Variants in NECTIN4 observed in about 807,000 individuals in gnomAD.
The protein encoded by NECTIN4 is nectin cell adhesion molecule 4.
A neutral mutation model predicts 51.7 loss-of-function variants in NECTIN4; 19 were observed. The observed-to-expected ratio is 0.37, with a 90% CI of 0.26 to 0.54. The LOEUF is 0.54. Ranked by LOEUF, NECTIN4 falls within the 20% of genes least tolerant of loss-of-function variation. NECTIN4 has a pLI of 0.86. For synonymous variants in NECTIN4, 283 were observed against 286.9 expected (o/e 0.99, Z 0.14); for missense variants, 619 against 662.4 (o/e 0.93, Z 0.72).
chr1:161,079,407 G>A (rs1653562492), intron 2 of NECTIN4, among the ~76,000 whole-genome samples, 183 bp downstream of exon 2: 1 of 152,250 alleles, frequency 6.6e-6, no homozygotes, highest in Non-Finnish European at 1.5e-5. Context: ...AGCTTTTGGG[G>A]TTACTTGGAG....
At chr1:161,087,511 G>T (rs147782660) in intron 1 of NECTIN4, 1 of 150,746 alleles carries the variant, frequency 6.6e-6, no homozygotes, top group African/African-American at 2.4e-5. Context: ...TAGTATCCAG[G>T]TTGTACCCAG....
chr1:161,078,313 T>C (rs1043498746), intron 2 of NECTIN4, among the ~76,000 whole-genome samples: 1 of 152,086 alleles, frequency 6.6e-6, no homozygotes, highest in African/African-American at 2.4e-5. Context: ...TATTTATTTA[T>C]TTATCTACTT....
Position 161,072,456 on chromosome 1 carries a change from C to T in NECTIN4, c.*205G>A. 1 of 637,820 alleles carries T rather than the reference C, an allele frequency of 1.6e-6. No individual in the cohort carries two copies. Among genetic ancestry groups the T allele is most frequent in the Non-Finnish European group, 2.8e-6 (1 of 351,342 alleles). 39.5% of individuals were successfully genotyped at this position (637,820 alleles called of 1,614,324 possible). A position where few individuals can be genotyped will look rare whatever the true frequency, so the allele number is the denominator to read the frequency against. ...TCACACAGGCACACATGCACACACA[C>T]AGTGACCTGCATGCATGGTGGGAGA... On this transcript the variant is annotated 3_prime_UTR_variant, in exon 9 of 9. Coordinates refer to ENST00000368012, the MANE Select transcript of NECTIN4 (RefSeq NM_030916.3).
At chr1:161,073,085 GC>G in intron 8 of NECTIN4, 139 bp downstream of exon 8, 12 of 678,072 alleles carry the variant, frequency 1.8e-5, no homozygotes, top group Non-Finnish European at 2.5e-5. Flanking sequence ...CAAAGACGTA[GC>G]AGAGATGCGG....
chr1:161,078,942 G>C (rs1653540480), intron 2 of NECTIN4, among the ~76,000 whole-genome samples: 1 of 152,124 alleles, frequency 6.6e-6, no homozygotes, highest in Admixed American at 6.5e-5. Flanking sequence ...AACCCGGGAG[G>C]CGGAGCTTGC....
rs1009769863 is a variant in NECTIN4 at position 161,079,763 on chromosome 1, T to C, written c.266A>G (p.His89Arg). Residue 89 changes from histidine to arginine, a missense_variant, in exon 2 of 9, where the codon CAT becomes CGT. Physicochemically the swap from His to Arg is conservative, Grantham distance 29. Around this residue, in one of 3 missense-constraint regions of NECTIN4, gnomAD observed 218 missense variants for 186.3 expected, o/e 1.17. Transcript: ENST00000368012. ...LALLHSKYGLHVSPAYEGRVE... is the reference protein window; with the variant it reads ...LALLHSKYGLRVSPAYEGRVE... ...GCGGCCCTCGTAAGCCGGGCTCACATGAAGCCCGTATTTGGAGTGCAGTAG... is the reference window on the plus strand; with the variant it reads ...GCGGCCCTCGTAAGCCGGGCTCACACGAAGCCCGTATTTGGAGTGCAGTAG... 3 of 1,612,380 alleles carry C rather than the reference T, an allele frequency of 1.9e-6. No homozygotes were observed. The highest frequency in any genetic ancestry group is 2.2e-5 in the East Asian group (1 of 44,880).
intron 4 of NECTIN4, 75 bp from the exon 5 acceptor site, chr1:161,074,834 TCTCCACC>T: frequency 6.7e-7 from 1 of 1,496,386 alleles, no homozygotes; most frequent in Non-Finnish European, 9.1e-7. Context: ...TCCAGACAGC[TCTCCACC>T]CTCCACCCCC....
At chr1:161,086,143 T>C (rs758363729) in intron 1 of NECTIN4, among the ~76,000 whole-genome samples, 1 of 152,180 alleles carries the variant, frequency 6.6e-6, no homozygotes, top group Non-Finnish European at 1.5e-5. Context: ...CCAATCATTC[T>C]CTCCTCACTG....
In NECTIN4 at chr1:161,079,636, G is replaced by A. The variant is rs1293588799; in HGVS notation, c.393C>T (p.Thr131=). 4.4e-6 allele frequency: 7 copies of A among 1,605,444 alleles called. No individual in the cohort carries two copies. The highest frequency in any genetic ancestry group is 1.7e-5 in the Admixed American group (1 of 59,988). The change falls in exon 2 of 9, where the codon ACC becomes ACT. Residue 131 remains threonine, a synonymous_variant. Coordinates refer to ENST00000368012, the MANE Select transcript of NECTIN4 (RefSeq NM_030916.3). Reference sequence around the variant, plus strand: ...GCGCCTGGAAGCTGCCGGCGGGGAAGGTGCTGACCCGGCACTCGTACTCGC... The same window carrying A: ...GCGCCTGGAAGCTGCCGGCGGGGAAAGTGCTGACCCGGCACTCGTACTCGC... ...DEGEYECRVS[T]FPAGSFQARL...
At chr1:161,087,248 C>T (rs1303803576) in intron 1 of NECTIN4, 1 of 152,080 alleles carries the variant, frequency 6.6e-6, no homozygotes, top group African/African-American at 2.4e-5. Flanking sequence ...AGCCTCCAGC[C>T]CCCAGAGCAA....
chr1:161,073,804 G>A lies in NECTIN4; in HGVS notation c.1158-9C>T, dbSNP rs1557943598. The A allele has an allele frequency of 6.2e-7, 1 of 1,613,254 alleles. No homozygotes were observed. The highest frequency in any genetic ancestry group is 2.2e-5 in the East Asian group (1 of 44,882). On this transcript the variant is annotated splice_polypyrimidine_tract_variant and intron_variant, in intron 6 of 8. Transcript: ENST00000368012. Reference sequence around the variant, plus strand: ...GGGTCAGCTCCTCCTCACTGGGAAAGACACACCCTTGTCAGGAGCTGAGGG... The same window carrying A: ...GGGTCAGCTCCTCCTCACTGGGAAAAACACACCCTTGTCAGGAGCTGAGGG...
chr1:161,083,636 G>A (rs1358571932), intron 1 of NECTIN4, among the ~76,000 whole-genome samples: 1 of 152,164 alleles, frequency 6.6e-6, no homozygotes, highest in Non-Finnish European at 1.5e-5. Flanking sequence ...CAGGAGCCTT[G>A]GTGACTCAGA....
intron 2 of NECTIN4, among the ~76,000 whole-genome samples, chr1:161,078,739 C>T (rs900468206): frequency 2.6e-5 from 4 of 152,048 alleles, no homozygotes; most frequent in Admixed American, 2.6e-4. Flanking sequence ...TGGCTGGGCG[C>T]GGTGGCTCAC....
In NECTIN4 at chr1:161,072,704, G is replaced by C. The variant is rs573511829; in HGVS notation, c.1490C>G (p.Thr497Arg). The change falls in exon 9 of 9, where the codon ACG becomes AGG. Residue 497 changes from threonine (T) to arginine (R), a missense_variant. Thr to Arg is a moderately conservative substitution (Grantham distance 71). This residue lies in a region of NECTIN4 where 364 missense variants were observed against 415.7 expected (regional missense o/e 0.88). Coordinates refer to ENST00000368012, the MANE Select transcript of NECTIN4 (RefSeq NM_030916.3). ...CCCATTGATGTAGATGCCATTGCCC[G>C]TGGGCTTGGCCCGTAGGGTCCCATT... The part of the protein sequence containing the change: ...QENGTLRAKP[T>R]GNGIYINGRG... 2 of 1,614,218 alleles carry C rather than the reference G, an allele frequency of 1.2e-6. No homozygotes were observed. Among genetic ancestry groups the C allele is most frequent in the East Asian group, 2.2e-5 (1 of 44,882 alleles).
chr1:161,077,830 A>G lies in NECTIN4; in HGVS notation c.440-87T>C, dbSNP rs919232203. 26 of 1,259,916 alleles carry G rather than the reference A, an allele frequency of 2.1e-5. No individual in the cohort carries two copies. The Admixed American group carries it at 5.2e-4, about 25-fold the overall frequency. 78.0% of individuals were successfully genotyped at this position (1,259,916 alleles called of 1,614,324 possible). A position where few individuals can be genotyped will look rare whatever the true frequency, so the allele number is the denominator to read the frequency against. The stretch of plus-strand genomic sequence containing the variant: ...CATCGCATTTCAGTCTTGCACAAGT[A>G]CAAACTTTCAGGCCCCCTTTCCTTC... On this transcript the variant is annotated intron_variant, in intron 2 of 8. Coordinates refer to ENST00000368012, the MANE Select transcript of NECTIN4 (RefSeq NM_030916.3).
At chr1:161,074,043 A>G (rs1197067971) in intron 6 of NECTIN4, among the ~76,000 whole-genome samples, 174 bp downstream of exon 6, 1 of 152,134 alleles carries the variant, frequency 6.6e-6, no homozygotes, top group African/African-American at 2.4e-5. Context: ...TGAGTGCTCC[A>G]TCTGTGCTCC....
chr1:161,082,198 G>C (rs182379349), intron 1 of NECTIN4, among the ~76,000 whole-genome samples: 1 of 152,014 alleles, frequency 6.6e-6, no homozygotes, highest in African/African-American at 2.4e-5. Context: ...GCGTGGTGGC[G>C]GGCGCCTGTA....
Position 161,077,754 on chromosome 1 carries a change from G to A in NECTIN4, c.440-11C>T, listed in dbSNP as rs1653486221. On this transcript the variant is annotated splice_polypyrimidine_tract_variant and intron_variant, in intron 2 of 8. Transcript: ENST00000368012. Reference sequence around the variant, plus strand: ...AGGGCAGGGGAGGCACTGCAAATGGGGAAAGGCAGGGGTCACAGGTCTACA... The same window carrying A: ...AGGGCAGGGGAGGCACTGCAAATGGAGAAAGGCAGGGGTCACAGGTCTACA... 6.2e-7 allele frequency: 1 copy of A among 1,602,770 alleles called. No homozygotes were observed. Among genetic ancestry groups the A allele is most frequent in the Non-Finnish European group, 8.5e-7 (1 of 1,178,928 alleles).
At chr1:161,078,487 T>C (rs996517196) in intron 2 of NECTIN4, among the ~76,000 whole-genome samples, 3 of 151,880 alleles carry the variant, frequency 2.0e-5, no homozygotes, top group Non-Finnish European at 2.9e-5. Context: ...TTTGTATTTT[T>C]AGTAGAGATG....
Sources: allele counts gnomAD v4.1 joint callset (sites outside exome capture counted in the v4.1 genomes callset), GRCh38; gene constraint gnomAD v4.1.1; regional missense constraint gnomAD v4.1.1; transcripts MANE v1.5; gene names NCBI Gene and HGNC (gene_info 2026-07-23, HGNC 2026-07-21).